PCDH11X: variants seen among roughly 807,000 people sequenced by gnomAD.
PCDH11X encodes protocadherin 11 X-linked.
PCDH11X carries 18 observed loss-of-function variants against 53.3 expected under a neutral mutation model. The observed-to-expected ratio is 0.34, with a 90% CI of 0.23 to 0.50. The LOEUF (loss-of-function observed/expected upper bound fraction) is 0.50, where lower values mean the gene tolerates loss of function less well. Ranked by LOEUF, PCDH11X falls within the 20% of genes least tolerant of loss-of-function variation. PCDH11X has a pLI of 0.98. For missense variants in PCDH11X, 570 were observed against 1,032.4 expected, an observed-to-expected ratio of 0.55 and a Z score of 6.14; for synonymous variants, 279 against 393.3, an observed-to-expected ratio of 0.71 and a Z score of 3.44.
chrX:92,157,532 G>A (rs1218165021), intron 6 of PCDH11X, among the ~76,000 whole-genome samples: 3 of 111,863 alleles, frequency 2.7e-5, no homozygotes, highest in African/African-American at 9.7e-5. Flanking sequence ...TACATGGTGA[G>A]TCACTATAAG....
intron 8 of PCDH11X, among the ~76,000 whole-genome samples, chrX:92,314,568 C>T (rs1264572799): frequency 9.0e-6 from 1 of 111,317 alleles, no homozygotes; most frequent in African/African-American, 3.3e-5. Context: ...ATATGCTATG[C>T]TTTTATATGA....
chrX:91,797,698 T>C (rs1414682296), intron 1 of PCDH11X, among the ~76,000 whole-genome samples: 1 of 107,670 alleles, frequency 9.3e-6, no homozygotes, highest in Admixed American at 1.0e-4. Flanking sequence ...GCTGGTTTTA[T>C]TTTTATGTGG....
chrX:92,007,656 G>C (rs1169146320), intron 6 of PCDH11X, among the ~76,000 whole-genome samples: 1 of 111,443 alleles, frequency 9.0e-6, no homozygotes, highest in Non-Finnish European at 1.9e-5. Context: ...TGGTTGTGCT[G>C]GTACCTCAGA....
intron 8 of PCDH11X, among the ~76,000 whole-genome samples, chrX:92,375,166 A>ATATATATT (rs1302181048): frequency 1.2e-4 from 1 of 8,262 alleles, no homozygotes; most frequent in African/African-American, 6.2e-4. Flanking sequence ...ATATATATAT[A>ATATATATT]TTTTTTTTTT....
At chrX:92,544,953 A>G (rs2074821524) in intron 10 of PCDH11X, among the ~76,000 whole-genome samples, 3 of 111,716 alleles carry the variant, frequency 2.7e-5, no homozygotes, top group South Asian at 7.5e-4. Context: ...CAGTCAGAGT[A>G]TACTGGTACC....
chrX:92,216,888 G>A (rs1373750204), intron 7 of PCDH11X, among the ~76,000 whole-genome samples: 3 of 106,197 alleles, frequency 2.8e-5, no homozygotes, highest in African/African-American at 1.1e-4. Flanking sequence ...AGAGAGTGGG[G>A]GCCAATATTC....
intron 5 of PCDH11X, among the ~76,000 whole-genome samples, chrX:91,875,554 G>A (rs1169571071): frequency 9.1e-6 from 1 of 109,798 alleles, no homozygotes; most frequent in Admixed American, 9.7e-5. Flanking sequence ...GCCTCCCAAA[G>A]TGCTGGAATT....
At chrX:92,394,457 G>A (rs778246535) in intron 9 of PCDH11X, among the ~76,000 whole-genome samples, 1 of 110,723 alleles carries the variant, frequency 9.0e-6, no homozygotes, top group Non-Finnish European at 1.9e-5. Context: ...TAAAGTGGCA[G>A]AGAATAGGTG....
chrX:92,098,556 G>A (rs1268220208), intron 6 of PCDH11X, among the ~76,000 whole-genome samples: 1 of 109,961 alleles, frequency 9.1e-6, no homozygotes, highest in Non-Finnish European at 1.9e-5. Context: ...TTAAAGCACA[G>A]GCATGAGTCT....
intron 8 of PCDH11X, among the ~76,000 whole-genome samples, chrX:92,299,102 T>G (rs1220742830): frequency 9.0e-6 from 1 of 111,060 alleles, no homozygotes; most frequent in Non-Finnish European, 1.9e-5. Context: ...TAGTCCCCAA[T>G]AAAGCTTGTT....
intron 10 of PCDH11X, among the ~76,000 whole-genome samples, chrX:92,609,443 A>T (rs1419629988): frequency 3.6e-5 from 4 of 110,996 alleles, no homozygotes; most frequent in Non-Finnish European, 7.6e-5. Context: ...TCTTTTAATC[A>T]CTCAAATAGA....
At chrX:91,892,468 C>T (rs1940536695) in intron 6 of PCDH11X, among the ~76,000 whole-genome samples, 1 of 110,403 alleles carries the variant, frequency 9.1e-6, no homozygotes, top group African/African-American at 3.3e-5. Context: ...TTAACCAGTT[C>T]TACTTGTTCA....
chrX:92,221,739 A>G (rs1298338685), intron 7 of PCDH11X, among the ~76,000 whole-genome samples: 1 of 111,948 alleles, frequency 8.9e-6, no homozygotes, highest in Non-Finnish European at 1.9e-5. Flanking sequence ...ATAAAAATCA[A>G]AGTGAACCTT....
chrX:92,250,938 A>C (rs2148397773), intron 7 of PCDH11X, among the ~76,000 whole-genome samples: 1 of 110,478 alleles, frequency 9.1e-6, no homozygotes, highest in South Asian at 3.7e-4. Context: ...TGTTACAGAT[A>C]TCTGTGAATA....
At chrX:92,329,648 A>C (rs1192528838) in intron 8 of PCDH11X, among the ~76,000 whole-genome samples, 1 of 111,643 alleles carries the variant, frequency 9.0e-6, no homozygotes, top group African/African-American at 3.3e-5. Flanking sequence ...TTTAGCCAGA[A>C]AAAGGAATGA....
At chrX:92,580,549 A>G (rs4020565) in intron 10 of PCDH11X, among the ~76,000 whole-genome samples, 1 of 110,235 alleles carries the variant, frequency 9.1e-6, no homozygotes, top group Non-Finnish European at 1.9e-5. Context: ...GGTGCTGTGG[A>G]GAATTTCTTC....
chrX:92,186,820 G>T (rs1474193804), intron 6 of PCDH11X, among the ~76,000 whole-genome samples: 2 of 110,521 alleles, frequency 1.8e-5, no homozygotes, highest in African/African-American at 6.6e-5. Flanking sequence ...CTAAAAGAGA[G>T]AGTTTTGAAT....
chrX:91,966,855 G>A (rs953109131), intron 6 of PCDH11X, among the ~76,000 whole-genome samples: 3 of 109,933 alleles, frequency 2.7e-5, no homozygotes, highest in Non-Finnish European at 3.8e-5. Flanking sequence ...TGTGCAGACC[G>A]TGCAGGTTTG....
chrX:91,994,547 T>C (rs1188134341), intron 6 of PCDH11X, among the ~76,000 whole-genome samples: 1 of 92,943 alleles, frequency 1.1e-5, no homozygotes, highest in Non-Finnish European at 2.1e-5. Context: ...CATTTATATA[T>C]TGATGGACAC....
Sources: gnomAD v4.1 joint callset for allele counts (sites outside exome capture counted in the v4.1 genomes callset) on GRCh38, gnomAD v4.1.1 for gene constraint, MANE v1.5 for transcripts, NCBI Gene and HGNC (gene_info 2026-07-23, HGNC 2026-07-21) for gene names.